The following DCDC1 variants were observed in gnomAD, a reference collection of about 807,000 sequenced individuals.
The protein encoded by DCDC1 is doublecortin domain containing 1.
Under a neutral mutation model 178.3 loss-of-function variants are expected in DCDC1, and 200 were observed. That is an observed-to-expected ratio of 1.12 (90% CI 1.00 to 1.26). DCDC1 has a LOEUF of 1.26. Among genes scored for constraint, DCDC1 ranks in the 50% most tolerant of loss-of-function variants. DCDC1 has a pLI of 0.00. For synonymous variants in DCDC1, 690 were observed against 604.8 expected (o/e 1.14, Z -2.07); for missense variants, 1,983 against 1,749.2 (o/e 1.13, Z -2.38).
chr11:31,060,865 C>T (rs948721678), intron 20 of DCDC1, among the ~76,000 whole-genome samples: 3 of 151,856 alleles, frequency 2.0e-5, no homozygotes, highest in African/African-American at 4.8e-5. Context: ...TTATTAGTTC[C>T]AAAGCTCATG....
chr11:30,926,046 C>A (rs1238642608), intron 22 of DCDC1, among the ~76,000 whole-genome samples: 4 of 152,140 alleles, frequency 2.6e-5, no homozygotes, highest in African/African-American at 9.7e-5. Context: ...TTTTGTAGTT[C>A]CCTGAGGAGC....
At chr11:31,022,760 A>C (rs1346318899) in intron 20 of DCDC1, among the ~76,000 whole-genome samples, 1 of 150,116 alleles carries the variant, frequency 6.7e-6, no homozygotes, top group Non-Finnish European at 1.5e-5. Flanking sequence ...GTGTGTGTGT[A>C]TAGGCACACA....
intron 13 of DCDC1, 142 bp from the exon 14 acceptor site, chr11:31,103,911 G>C (rs1958673511): frequency 1.8e-6 from 1 of 553,354 alleles, no homozygotes; most frequent in Non-Finnish European, 3.2e-6. Context: ...TAGCACTATT[G>C]CTGGTATTCT....
At chr11:31,336,755 T>G (rs1044861379) in intron 1 of DCDC1, among the ~76,000 whole-genome samples, 1 of 152,224 alleles carries the variant, frequency 6.6e-6, no homozygotes, top group African/African-American at 2.4e-5. Flanking sequence ...AAGACTGTAT[T>G]TTCCAGTTTT....
At chr11:31,071,832 A>C (rs1487356676) in intron 18 of DCDC1, among the ~76,000 whole-genome samples, 2 of 152,182 alleles carry the variant, frequency 1.3e-5, no homozygotes, top group Non-Finnish European at 2.9e-5. Context: ...AAAGGAACTA[A>C]TGCCTCTGGG....
At chr11:31,274,964 G>A (rs1019956525) in intron 7 of DCDC1, among the ~76,000 whole-genome samples, 9 of 152,006 alleles carry the variant, frequency 5.9e-5, no homozygotes, top group African/African-American at 2.2e-4. Context: ...CTCCCAAAGT[G>A]CTGGGATTAC....
At chr11:31,156,368 G>A (rs191561547) in intron 9 of DCDC1, among the ~76,000 whole-genome samples, 12 of 151,860 alleles carry the variant, frequency 7.9e-5, no homozygotes, top group African/African-American at 2.7e-4. Flanking sequence ...CAAAACACGC[G>A]GCCAGTCAGA....
intron 3 of DCDC1, among the ~76,000 whole-genome samples, chr11:31,310,072 G>A (rs950827295): frequency 1.2e-4 from 18 of 152,010 alleles, no homozygotes; most frequent in Non-Finnish European, 2.5e-4. Flanking sequence ...TCCTGATAGG[G>A]TTAGGACAAG....
intron 20 of DCDC1, among the ~76,000 whole-genome samples, chr11:30,967,942 A>G (rs984750901): frequency 2.0e-5 from 3 of 152,150 alleles, no homozygotes; most frequent in Non-Finnish European, 4.4e-5. Flanking sequence ...GAGAGCTCTG[A>G]GGTATGGGAA....
chr11:30,940,338 G>A (rs1947551319), intron 21 of DCDC1, among the ~76,000 whole-genome samples: 1 of 152,078 alleles, frequency 6.6e-6, no homozygotes, highest in South Asian at 2.1e-4. Context: ...CAGTTGTTAT[G>A]ATTGCCTAAC....
At chr11:31,062,142 T>C (rs1473374528) in intron 20 of DCDC1, among the ~76,000 whole-genome samples, 1 of 152,088 alleles carries the variant, frequency 6.6e-6, no homozygotes, top group Non-Finnish European at 1.5e-5. Flanking sequence ...GTTTCAGGAA[T>C]CTGAGAGCAG....
chr11:31,279,850 C>T (rs1488137845), intron 7 of DCDC1, among the ~76,000 whole-genome samples: 4 of 151,704 alleles, frequency 2.6e-5, no homozygotes, highest in Admixed American at 6.6e-5. Context: ...CAAACCTGAA[C>T]GTTCTGCACA....
At chr11:31,063,887 C>T (rs549694682) in intron 20 of DCDC1, among the ~76,000 whole-genome samples, 1 of 152,146 alleles carries the variant, frequency 6.6e-6, no homozygotes, top group East Asian at 1.9e-4. Context: ...ACAACATCAA[C>T]CCCAACAAAA....
At chr11:31,239,486 G>A (rs1976848506) in intron 9 of DCDC1, among the ~76,000 whole-genome samples, 1 of 151,824 alleles carries the variant, frequency 6.6e-6, no homozygotes, top group Non-Finnish European at 1.5e-5. Flanking sequence ...ACATAAAATA[G>A]AGCACATCTA....
chr11:30,901,369 CT>C (rs1397954480), intron 32 of DCDC1, among the ~76,000 whole-genome samples: 1 of 152,148 alleles, frequency 6.6e-6, no homozygotes, highest in Non-Finnish European at 1.5e-5. Flanking sequence ...TATCAGTCCT[CT>C]TTTACAGATA....
At chr11:30,866,086 C>A (rs1940951839) in intron 38 of DCDC1, among the ~76,000 whole-genome samples, 1 of 152,122 alleles carries the variant, frequency 6.6e-6, no homozygotes, top group East Asian at 1.9e-4. Context: ...TCCAGTATCA[C>A]TGATGTCCTT....
At chr11:31,346,539 T>G (rs1950827664) in intron 1 of DCDC1, among the ~76,000 whole-genome samples, 1 of 152,090 alleles carries the variant, frequency 6.6e-6, no homozygotes, top group South Asian at 2.1e-4. Flanking sequence ...GTTCCTGATT[T>G]GAACAAACTT....
intron 11 of DCDC1, among the ~76,000 whole-genome samples, chr11:31,115,854 A>G (rs1301109429): frequency 6.6e-6 from 1 of 151,996 alleles, no homozygotes. Flanking sequence ...AAAGGGAGAC[A>G]TGCCTTTGCA....
chr11:31,143,272 G>A (rs1006838936), intron 9 of DCDC1, among the ~76,000 whole-genome samples: 3 of 151,976 alleles, frequency 2.0e-5, no homozygotes, highest in East Asian at 1.9e-4. Flanking sequence ...GTGGTAATAC[G>A]GGGCATTATT....
Sources: gnomAD v4.1 joint callset for allele counts (sites outside exome capture counted in the v4.1 genomes callset) on GRCh38, gnomAD v4.1.1 for gene constraint, MANE v1.5 for transcripts, NCBI Gene and HGNC (gene_info 2026-07-23, HGNC 2026-07-21) for gene names.